PHACTR3: variants seen among roughly 807,000 people sequenced by gnomAD.
PHACTR3 encodes protein phosphatase 1, regulatory subunit 123.
A neutral mutation model predicts 66.8 loss-of-function variants in PHACTR3; 16 were observed. The ratio of observed to expected loss-of-function variants is 0.24; its 90% CI spans 0.16 to 0.36. The LOEUF is 0.36. Ranked by LOEUF, PHACTR3 falls within the 10% of genes least tolerant of loss-of-function variation. The pLI is 1.00. For synonymous variants in PHACTR3, 323 were observed against 292.1 expected (o/e 1.11, Z -1.08); for missense variants, 647 against 719.9 (o/e 0.90, Z 1.16).
At position 59,845,266 on chromosome 20, in the gene PHACTR3, G is replaced by T; in HGVS notation, c.1664+1G>T. 1 of 1,597,920 alleles carries T rather than the reference G, an allele frequency of 6.3e-7. No individual in the cohort carries two copies. The highest frequency in any genetic ancestry group is 8.6e-7 in the Non-Finnish European group (1 of 1,167,018). ...ATGCATCAAGCAAGCACTTGACAAG[G>T]TCAGATTTGTTTCTGTGAATTTCAT... On this transcript the variant is annotated splice_donor_variant, in intron 12 of 12. Coordinates refer to ENST00000371015, the MANE Select transcript of PHACTR3 (RefSeq NM_080672.5). LOFTEE classifies it high-confidence loss of function.
chr20:59,847,243 A>C lies in PHACTR3; in HGVS notation c.*113A>C, dbSNP rs771322967. ...GACTACCCTACCTGCTGTGTTTGTG[A>C]GAAGAGTAGGATCACACACACAGGT... is the stretch of plus-strand genomic sequence containing the variant. On this transcript the variant is annotated 3_prime_UTR_variant, in exon 13 of 13. Coordinates refer to ENST00000371015, the MANE Select transcript of PHACTR3 (RefSeq NM_080672.5). 1.7e-4 allele frequency: 128 copies of C among 751,522 alleles called. No homozygotes were observed. The highest frequency in any genetic ancestry group is 2.3e-4 in the Non-Finnish European group (101 of 445,598). The allele number at this position is 751,522 out of a possible 1,614,324, so 46.6% of individuals were successfully genotyped here.
At position 59,823,648 on chromosome 20, in the gene PHACTR3, G is replaced by A. The variant is rs1324249900; in HGVS notation, c.1329-12857G>A. On this transcript the variant is annotated intron_variant, in intron 8 of 12. Coordinates refer to ENST00000371015, the MANE Select transcript of PHACTR3 (RefSeq NM_080672.5). ...AAGTTCCACTGACAGTTTCTTTGGAGAGGAGTGAGTATTTAAAGGCACTTG... is the reference window on the plus strand; with the variant it reads ...AAGTTCCACTGACAGTTTCTTTGGAAAGGAGTGAGTATTTAAAGGCACTTG... Among the ~76,000 whole-genome samples, 4 of 152,166 alleles carry A rather than the reference G, an allele frequency of 2.6e-5. No homozygotes were observed. In the East Asian group the frequency reaches 7.7e-4, roughly 29 times the overall value.
intron 1 of PHACTR3, among the ~76,000 whole-genome samples, chr20:59,700,118 T>C (rs1377447364): frequency 6.6e-6 from 1 of 152,150 alleles, no homozygotes; most frequent in African/African-American, 2.4e-5. Context: ...TATGTGTGTT[T>C]GTCACATGAA....
chr20:59,594,897 C>T (rs367847406), intron 1 of PHACTR3, among the ~76,000 whole-genome samples: 136 of 152,200 alleles, frequency 8.9e-4, no homozygotes, highest in African/African-American at 2.7e-3. Flanking sequence ...GATTTTAGAT[C>T]TTTCTTCTTT....
At chr20:59,710,497 G>C (rs1300876175) in intron 1 of PHACTR3, among the ~76,000 whole-genome samples, 2 of 152,178 alleles carry the variant, frequency 1.3e-5, no homozygotes, top group Non-Finnish European at 2.9e-5. Context: ...GAGTTCACTG[G>C]CTAGGCCCTT....
At chr20:59,577,626 G>C in intron 1 of PHACTR3, 1 of 1,207,572 alleles carries the variant, frequency 8.3e-7, no homozygotes, top group Non-Finnish European at 1.0e-6. Flanking sequence ...AGGTAAGCGC[G>C]CGCTGCGGGG....
At chr20:59,614,058 G>A (rs2033945466) in intron 1 of PHACTR3, among the ~76,000 whole-genome samples, 1 of 152,202 alleles carries the variant, frequency 6.6e-6, no homozygotes, top group South Asian at 2.1e-4. Context: ...TGAGTAACCG[G>A]CCCATGGTCA....
At position 59,773,450 on chromosome 20, in the gene PHACTR3, A is replaced by G. The variant is rs2040424216; in HGVS notation, c.923A>G (p.Asp308Gly). The G allele has an allele frequency of 6.2e-7, 1 of 1,607,166 alleles. No individual in the cohort carries two copies. The highest frequency in any genetic ancestry group is 1.3e-5 in the African/African-American group (1 of 74,828). The change falls in exon 6 of 13, where the codon GAC (aspartate) becomes GGC (glycine). Residue 308 changes from aspartate (D) to glycine (G), a missense_variant. Around this residue, in one of 2 missense-constraint regions of PHACTR3, gnomAD observed 577 missense variants for 571.1 expected, o/e 1.01. Coordinates refer to ENST00000371015, the MANE Select transcript of PHACTR3 (RefSeq NM_080672.5). ...HRALATKHRQ[D>G]SFQGRESKGS... is the part of the protein sequence containing the mutation. Reference sequence around the variant, plus strand: ...GCGCTGGCCACGAAGCACCGCCAGGACAGGTGAGGCCCTGCCCCATGAGGG... The same window carrying G: ...GCGCTGGCCACGAAGCACCGCCAGGGCAGGTGAGGCCCTGCCCCATGAGGG...
At chr20:59,684,641 C>T (rs956322834) in intron 1 of PHACTR3, among the ~76,000 whole-genome samples, 1 of 152,170 alleles carries the variant, frequency 6.6e-6, no homozygotes, top group South Asian at 2.1e-4. Flanking sequence ...TGAGGTCCTT[C>T]CTACTGTGGA....
At chr20:59,689,511 C>G (rs574143867) in intron 1 of PHACTR3, among the ~76,000 whole-genome samples, 2 of 152,140 alleles carry the variant, frequency 1.3e-5, no homozygotes, top group Admixed American at 6.5e-5. Flanking sequence ...CCAAGCTGAC[C>G]GGGTTACAGG....
chr20:59,841,705 C>T (rs917698243), intron 11 of PHACTR3, among the ~76,000 whole-genome samples, 170 bp downstream of exon 11: 1 of 152,114 alleles, frequency 6.6e-6, no homozygotes, highest in Admixed American at 6.5e-5. Context: ...AGAAGTGGTT[C>T]TCAGCTAGGT....
intron 1 of PHACTR3, among the ~76,000 whole-genome samples, chr20:59,588,622 G>T (rs1555875036): frequency 6.6e-6 from 1 of 152,064 alleles, no homozygotes; most frequent in South Asian, 2.1e-4. Flanking sequence ...TCAGCCTCCC[G>T]CCATCTTCCC....
intron 1 of PHACTR3, among the ~76,000 whole-genome samples, chr20:59,724,028 A>G (rs954857152): frequency 3.9e-5 from 6 of 151,976 alleles, no homozygotes; most frequent in Admixed American, 3.9e-4. Flanking sequence ...CACACCTTTT[A>G]TTGAGCCTGA....
intron 8 of PHACTR3, among the ~76,000 whole-genome samples, chr20:59,835,665 G>A (rs976768794): frequency 1.3e-5 from 2 of 152,190 alleles, no homozygotes; most frequent in Non-Finnish European, 2.9e-5. Flanking sequence ...TTTGGATGAT[G>A]ATGCCTCCTT....
intron 7 of PHACTR3, among the ~76,000 whole-genome samples, chr20:59,775,237 G>A (rs1446298754): frequency 3.3e-5 from 5 of 152,294 alleles, no homozygotes; most frequent in South Asian, 2.1e-4. Context: ...CTGGCTGTGC[G>A]GGGCCCTCTG....
intron 8 of PHACTR3, among the ~76,000 whole-genome samples, chr20:59,823,504 A>G (rs187385446): frequency 2.0e-5 from 3 of 152,316 alleles, no homozygotes; most frequent in African/African-American, 7.2e-5. Context: ...ATTTTAAACC[A>G]TACAGATGTC....
chr20:59,639,047 A>G (rs924858581), intron 1 of PHACTR3, among the ~76,000 whole-genome samples: 8 of 141,336 alleles, frequency 5.7e-5, no homozygotes, highest in Non-Finnish European at 9.2e-5. Context: ...AGATGGATAA[A>G]TGGAGATGGA....
intron 1 of PHACTR3, among the ~76,000 whole-genome samples, chr20:59,653,479 C>T (rs2145264): frequency 0.025 from 3,762 of 152,140 alleles, 61 homozygotes; most frequent in Middle Eastern, 0.058. Context: ...CCACTGCACT[C>T]GGCTGTGAGA....
At chr20:59,682,944 G>T (rs1031670001) in intron 1 of PHACTR3, among the ~76,000 whole-genome samples, 1 of 152,212 alleles carries the variant, frequency 6.6e-6, no homozygotes, top group Non-Finnish European at 1.5e-5. Context: ...TGGAGGGTTT[G>T]AGATTTAATT....
Sources: gnomAD v4.1 joint callset for allele counts (sites outside exome capture counted in the v4.1 genomes callset) on GRCh38, gnomAD v4.1.1 for gene constraint, gnomAD v4.1.1 regional missense constraint, MANE v1.5 for transcripts, NCBI Gene and HGNC (gene_info 2026-07-23, HGNC 2026-07-21) for gene names.